DPF3: variants seen among roughly 807,000 people sequenced by gnomAD.
The protein encoded by DPF3 is double PHD fingers 3.
In DPF3, 18 loss-of-function variants were observed where a neutral mutation model predicts 56.8. That is an observed-to-expected ratio of 0.32 (90% CI 0.22 to 0.47). The LOEUF (loss-of-function observed/expected upper bound fraction) is 0.47. Ranked by LOEUF, DPF3 falls within the 20% of genes least tolerant of loss-of-function variation. The pLI, the probability that DPF3 is intolerant of heterozygous loss-of-function variation, is 1.00. For synonymous variants in DPF3, 188 were observed against 180.2 expected, an observed-to-expected ratio of 1.04 and a Z score of -0.35; for missense variants, 403 against 488.8, an observed-to-expected ratio of 0.82 and a Z score of 1.65.
intron 2 of DPF3, among the ~76,000 whole-genome samples, chr14:72,760,691 A>G (rs1891034497): frequency 6.6e-6 from 1 of 152,162 alleles, no homozygotes; most frequent in Non-Finnish European, 1.5e-5. Flanking sequence ...AATAACAACA[A>G]AACAAGAGTT....
At chr14:72,640,516 A>T (rs566341874) in intron 8 of DPF3, among the ~76,000 whole-genome samples, 16 of 152,190 alleles carry the variant, frequency 1.1e-4, no homozygotes, top group Admixed American at 2.6e-4. Context: ...CACTGTAATG[A>T]GGGGCATTAG....
intron 4 of DPF3, among the ~76,000 whole-genome samples, chr14:72,727,117 C>G (rs1342109142): frequency 6.6e-6 from 1 of 152,024 alleles, no homozygotes; most frequent in Non-Finnish European, 1.5e-5. Flanking sequence ...CTCCTGGGCT[C>G]TTTTTTCCCT....
At chr14:72,718,158 G>A (rs1889009276) in intron 5 of DPF3, among the ~76,000 whole-genome samples, 1 of 135,824 alleles carries the variant, frequency 7.4e-6, no homozygotes, top group Non-Finnish European at 1.7e-5. Flanking sequence ...GAAACCACCT[G>A]GGTTCCTGTT....
At chr14:72,757,611 A>T (rs997175206) in intron 2 of DPF3, among the ~76,000 whole-genome samples, 5 of 152,200 alleles carry the variant, frequency 3.3e-5, no homozygotes, top group African/African-American at 1.2e-4. Context: ...ATAGAAAATG[A>T]CAATACAACA....
intron 2 of DPF3, among the ~76,000 whole-genome samples, chr14:72,771,457 C>T (rs995022091): frequency 2.0e-5 from 3 of 152,206 alleles, no homozygotes; most frequent in Non-Finnish European, 4.4e-5. Flanking sequence ...GTCTTGCCTT[C>T]TTTGGGATAA....
intron 7 of DPF3, among the ~76,000 whole-genome samples, chr14:72,690,504 T>C (rs928877336): frequency 6.7e-6 from 1 of 149,710 alleles, no homozygotes; most frequent in Non-Finnish European, 1.5e-5. Context: ...ACACACACAA[T>C]ACACATGCAC....
chr14:72,702,902 G>A (rs543590962), intron 6 of DPF3, among the ~76,000 whole-genome samples: 5 of 152,186 alleles, frequency 3.3e-5, no homozygotes, highest in South Asian at 2.1e-4. Context: ...CTTGAAGTTC[G>A]AGGCCAGCAG....
chr14:72,687,515 T>C (rs1475663848), intron 7 of DPF3, among the ~76,000 whole-genome samples: 1 of 152,184 alleles, frequency 6.6e-6, no homozygotes, highest in Admixed American at 6.5e-5. Context: ...CAGAGGGGCA[T>C]AGAAGACGCT....
chr14:72,703,427 A>C (rs994367493), intron 6 of DPF3, among the ~76,000 whole-genome samples: 1 of 152,134 alleles, frequency 6.6e-6, no homozygotes, highest in African/African-American at 2.4e-5. Context: ...GGAATTTACT[A>C]GATGTGAGGA....
chr14:72,828,313 G>T (rs1005169306), intron 1 of DPF3, among the ~76,000 whole-genome samples: 3 of 152,086 alleles, frequency 2.0e-5, no homozygotes, highest in Non-Finnish European at 2.9e-5. Context: ...GAGGAGAAGT[G>T]AGGACGTGGT....
chr14:72,769,403 C>A (rs1311635760), intron 2 of DPF3, among the ~76,000 whole-genome samples: 2 of 152,124 alleles, frequency 1.3e-5, no homozygotes, highest in Non-Finnish European at 2.9e-5. Flanking sequence ...AGCACTGGGC[C>A]GGGCACGGTG....
intron 8 of DPF3, among the ~76,000 whole-genome samples, chr14:72,664,237 C>A (rs1024491853): frequency 6.6e-6 from 1 of 152,186 alleles, no homozygotes; most frequent in African/African-American, 2.4e-5. Flanking sequence ...AGTGCCCTGA[C>A]CCCTCTGGTC....
chr14:72,752,012 A>G (rs1890597374), intron 3 of DPF3, among the ~76,000 whole-genome samples: 1 of 152,208 alleles, frequency 6.6e-6, no homozygotes, highest in African/African-American at 2.4e-5. Context: ...TAAAACTTCT[A>G]TTTAAGTGAA....
chr14:72,753,139 G>A, intron 3 of DPF3, 125 bp downstream of exon 3: 1 of 756,728 alleles, frequency 1.3e-6, no homozygotes, highest in Non-Finnish European at 2.1e-6. Context: ...CATGATGTGG[G>A]CATGTTCCCT....
chr14:72,743,866 A>T (rs1444309964), intron 3 of DPF3, among the ~76,000 whole-genome samples: 1 of 152,214 alleles, frequency 6.6e-6, no homozygotes, highest in Non-Finnish European at 1.5e-5. Flanking sequence ...TACATCATGA[A>T]ACACCTTGCA....
At chr14:72,782,538 A>G (rs375500065) in intron 1 of DPF3, among the ~76,000 whole-genome samples, 65 of 152,310 alleles carry the variant, frequency 4.3e-4, no homozygotes, top group African/African-American at 1.5e-3. Flanking sequence ...GTGATCTTTT[A>G]AAAACAGAAA....
At chr14:72,842,325 C>T (rs1248293246) in intron 1 of DPF3, among the ~76,000 whole-genome samples, 6 of 152,220 alleles carry the variant, frequency 3.9e-5, no homozygotes, top group Non-Finnish European at 4.4e-5. Context: ...CCAAAAACTA[C>T]CACATGCTCA....
intron 1 of DPF3, among the ~76,000 whole-genome samples, chr14:72,779,096 T>A (rs1891865481): frequency 6.6e-6 from 1 of 152,186 alleles, no homozygotes; most frequent in South Asian, 2.1e-4. Flanking sequence ...GCCTGGCACA[T>A]AACAGGTGCC....
At chr14:72,641,886 C>A (rs1885574948) in intron 8 of DPF3, among the ~76,000 whole-genome samples, 1 of 152,226 alleles carries the variant, frequency 6.6e-6, no homozygotes, top group Admixed American at 6.5e-5. Flanking sequence ...TGGTTTCTGT[C>A]TTGACTGTGC....
Sources: gnomAD v4.1 joint callset for allele counts (sites outside exome capture counted in the v4.1 genomes callset) on GRCh38, gnomAD v4.1.1 for gene constraint, MANE v1.5 for transcripts, NCBI Gene and HGNC (gene_info 2026-07-23, HGNC 2026-07-21) for gene names.